The following LTBP1 variants were observed in gnomAD, a reference collection of about 807,000 sequenced individuals.
LTBP1 encodes the protein latent transforming growth factor beta binding protein 1.
LTBP1 carries 129 observed loss-of-function variants against 207.6 expected under a neutral mutation model. The ratio of observed to expected loss-of-function variants is 0.62; its 90% CI spans 0.54 to 0.72. LTBP1 has a LOEUF of 0.72. Among genes scored for constraint, LTBP1 ranks in the 30% least tolerant of loss-of-function variants. The pLI is 0.00. For missense variants in LTBP1, 2,281 were observed against 2,217.2 expected, an observed-to-expected ratio of 1.03 and a Z score of -0.58; for synonymous variants, 963 against 833.7, an observed-to-expected ratio of 1.16 and a Z score of -2.67.
intron 2 of LTBP1, among the ~76,000 whole-genome samples, chr2:33,007,579 G>A (rs1687105002): frequency 6.6e-6 from 1 of 152,232 alleles, no homozygotes; most frequent in Non-Finnish European, 1.5e-5. Flanking sequence ...ATGGTTAAAT[G>A]TGAGAAAGAA....
Position 33,134,391 on chromosome 2 carries a change from G to A in LTBP1, c.1034-402G>A, listed in dbSNP as rs1312371169. On this transcript the variant is annotated intron_variant, in intron 4 of 33. Coordinates refer to ENST00000404816, the MANE Select transcript of LTBP1 (RefSeq NM_206943.4). The surrounding 1 kb of genome is among the most constrained non-coding windows in gnomAD (Gnocchi z 4.4). Reference sequence around the variant, plus strand: ...TTGAGGACACAAGAGTTTATTCACCGCTAGGTGCACGGCCAACCCCTTTGC... The same window carrying A: ...TTGAGGACACAAGAGTTTATTCACCACTAGGTGCACGGCCAACCCCTTTGC... 3.2e-5 allele frequency: 16 copies of A among 494,726 alleles called. 1 individual carries two copies. Among genetic ancestry groups the A allele is most frequent in the East Asian group, 1.9e-4 (3 of 15,410 alleles). 30.6% of individuals were successfully genotyped at this position (494,726 alleles called of 1,614,324 possible).
intron 7 of LTBP1, among the ~76,000 whole-genome samples, chr2:33,196,064 T>TA (rs2088521934): frequency 1.3e-5 from 2 of 152,226 alleles, no homozygotes; most frequent in African/African-American, 4.8e-5. Context: ...TAGACGACAG[T>TA]ATAGTGTAAA....
At chr2:33,351,330 G>A (rs1446641950) in intron 26 of LTBP1, among the ~76,000 whole-genome samples, 2 of 152,100 alleles carry the variant, frequency 1.3e-5, no homozygotes, top group African/African-American at 2.4e-5. Flanking sequence ...TGGCAGAATT[G>A]GTCCAGGAAC....
intron 3 of LTBP1, among the ~76,000 whole-genome samples, chr2:33,047,738 G>C (rs2076518385): frequency 6.6e-6 from 1 of 152,144 alleles, no homozygotes; most frequent in Admixed American, 6.5e-5. Context: ...CACTATTATT[G>C]TGTGAGAGTC....
chr2:33,033,296 A>G (rs1263807352), intron 3 of LTBP1, among the ~76,000 whole-genome samples: 3 of 152,148 alleles, frequency 2.0e-5, no homozygotes, highest in Admixed American at 2.0e-4. Context: ...GTTGATATTA[A>G]GTCAGATATT....
chr2:33,213,805 C>T (rs1028272101), intron 7 of LTBP1, among the ~76,000 whole-genome samples: 2 of 152,190 alleles, frequency 1.3e-5, no homozygotes, highest in African/African-American at 4.8e-5. Flanking sequence ...GACCCAGTTT[C>T]AAGACACACA....
At chr2:33,273,804 A>G in intron 16 of LTBP1, 23 bp downstream of exon 16, 5 of 1,566,612 alleles carry the variant, frequency 3.2e-6, no homozygotes, top group Non-Finnish European at 4.3e-6. Context: ...TTGATTGACT[A>G]AATTATTAAA....
chr2:33,160,797 TGAC>T (rs1478249350), intron 5 of LTBP1, among the ~76,000 whole-genome samples: 7 of 152,216 alleles, frequency 4.6e-5, no homozygotes, highest in African/African-American at 1.7e-4. Flanking sequence ...TATCTGTTGC[TGAC>T]CAGCACAGTA....
At chr2:33,361,319 G>T in intron 27 of LTBP1, 110 bp from the exon 28 acceptor site, 2 of 576,334 alleles carry the variant, frequency 3.5e-6, no homozygotes, top group South Asian at 2.6e-5. Flanking sequence ...AAATTTATTT[G>T]CTGGAATTGC....
intron 32 of LTBP1, among the ~76,000 whole-genome samples, chr2:33,390,856 G>T (rs1244262437): frequency 6.6e-6 from 1 of 152,114 alleles, no homozygotes; most frequent in Non-Finnish European, 1.5e-5. Flanking sequence ...AGAGAAAAAT[G>T]CAGTGAAGCT....
At position 33,398,400 on chromosome 2, in the gene LTBP1, C is replaced by G; in HGVS notation, c.5021C>G (p.Ser1674Cys). The change falls in exon 34 of 34, where the codon TCT becomes TGT. Residue 1674 changes from serine to cysteine, a missense_variant. Physicochemically the swap from Ser to Cys is moderately radical, Grantham distance 112 (BLOSUM62 -1). Around this residue, in one of 3 missense-constraint regions of LTBP1, gnomAD observed 1,671 missense variants for 1,634.8 expected, o/e 1.02. Transcript: ENST00000404816. ...NECDELNNRM[S>C]LCKNAKCINT... is the part of the protein sequence containing the mutation. ...TGCGATGAGTTGAACAACCGGATGT[C>G]TCTCTGCAAGAATGCCAAGTGCATT... 4 of 1,614,082 alleles carry G rather than the reference C, an allele frequency of 2.5e-6. No homozygotes were observed. Among genetic ancestry groups the G allele is most frequent in the Non-Finnish European group, 2.5e-6 (3 of 1,179,970 alleles).
In LTBP1 at chr2:33,299,702, A is replaced by C. The variant is rs150814327; in HGVS notation, c.3236-749A>C. On this transcript the variant is annotated intron_variant, in intron 20 of 33. Coordinates refer to ENST00000404816, the MANE Select transcript of LTBP1 (RefSeq NM_206943.4). Reference sequence around the variant, plus strand: ...GGACCAATATAATGGCCAAACAAAAACATCTGGAAGACTCTACTCTTACCA... The same window carrying C: ...GGACCAATATAATGGCCAAACAAAACCATCTGGAAGACTCTACTCTTACCA... 3.5e-3 allele frequency among the ~76,000 whole-genome samples: 526 copies of C among 152,330 alleles called. 4 individuals carry two copies. Among genetic ancestry groups the C allele is most frequent in the African/African-American group, 0.012 (505 of 41,574 alleles).
chr2:33,293,808 T>C (rs556234646), intron 20 of LTBP1, among the ~76,000 whole-genome samples: 9 of 152,272 alleles, frequency 5.9e-5, no homozygotes, highest in African/African-American at 2.2e-4. Context: ...ATCTTGCTTT[T>C]TGCCATTTAA....
chr2:33,287,668 G>A (rs974760105), intron 19 of LTBP1, among the ~76,000 whole-genome samples: 39 of 152,340 alleles, frequency 2.6e-4, no homozygotes, highest in African/African-American at 8.9e-4. Flanking sequence ...GATCATCCTT[G>A]GCTCTTTATG....
At position 33,315,258 on chromosome 2, in the gene LTBP1, G is replaced by A. The variant is rs774371029; in HGVS notation, c.3719G>A (p.Arg1240His). The A allele has an allele frequency of 4.3e-5, 70 of 1,611,808 alleles. No individual in the cohort carries two copies. The highest frequency in any genetic ancestry group is 3.3e-4 in the Middle Eastern group (2 of 6,072). The change falls in exon 24 of 34, where the codon CGT becomes CAT. Residue 1240 changes from arginine (R) to histidine (H), a missense_variant. Around this residue, in one of 3 missense-constraint regions of LTBP1, gnomAD observed 1,671 missense variants for 1,634.8 expected, o/e 1.02. Coordinates refer to ENST00000404816, the MANE Select transcript of LTBP1 (RefSeq NM_206943.4). ...QQGFSISADG[R>H]TCEDIDECVN... ...GGTTTCTCAATCTCTGCAGATGGCC[G>A]TACGTGTGAAGGTAAGATAAACCAT...
Position 33,164,352 on chromosome 2 carries a change from G to GAAAAAAAA in LTBP1, c.1202-22483_1202-22476dup, listed in dbSNP as rs56916166. 3.5e-4 allele frequency among the ~76,000 whole-genome samples: 10 copies of GAAAAAAAA among 28,240 alleles called. No homozygotes were observed. The East Asian group carries it at 8.1e-3, about 23-fold the overall frequency. The allele number at this position is 28,240 out of a possible 152,430, so 18.5% of individuals were successfully genotyped here. A position where few individuals can be genotyped will look rare whatever the true frequency, so the allele number is the denominator to read the frequency against. Reference sequence around the variant, plus strand: ...GTGACAGAGCAAGACTTCCTCTCAGGAAAAAAAAAAAAAAAAAAAAAAAAA... The same window carrying GAAAAAAAA: ...GTGACAGAGCAAGACTTCCTCTCAGGAAAAAAAAAAAAAAAAAAAAAAAAAAAAAAAAA... On this transcript the variant is annotated intron_variant, in intron 5 of 33. Coordinates refer to ENST00000404816, the MANE Select transcript of LTBP1 (RefSeq NM_206943.4).
chr2:33,359,739 G>A (rs954540337), intron 26 of LTBP1, among the ~76,000 whole-genome samples: 2 of 152,198 alleles, frequency 1.3e-5, no homozygotes, highest in African/African-American at 4.8e-5. Context: ...GGAGAGAAGG[G>A]ATGTGACTAC....
intron 7 of LTBP1, among the ~76,000 whole-genome samples, chr2:33,211,431 TG>T (rs2090302869): frequency 6.6e-6 from 1 of 152,202 alleles, no homozygotes; most frequent in African/African-American, 2.4e-5. Flanking sequence ...CAGGGGTTGA[TG>T]GAGTCCCAGT....
At chr2:33,333,899 A>G (rs953447544) in intron 24 of LTBP1, among the ~76,000 whole-genome samples, 3 of 152,160 alleles carry the variant, frequency 2.0e-5, no homozygotes, top group Non-Finnish European at 4.4e-5. Flanking sequence ...CTAAGCTCTG[A>G]GAAATGCCAA....
Sources: allele counts gnomAD v4.1 joint callset (sites outside exome capture counted in the v4.1 genomes callset), GRCh38; gene constraint gnomAD v4.1.1; regional missense constraint gnomAD v4.1.1; non-coding constraint Gnocchi (gnomAD v3.1); transcripts MANE v1.5; gene names NCBI Gene and HGNC (gene_info 2026-07-23, HGNC 2026-07-21).